IMPG1: variants seen among roughly 807,000 people sequenced by gnomAD.
The protein encoded by IMPG1 is interphotoreceptor matrix proteoglycan of 150 kDa.
A neutral mutation model predicts 92.0 loss-of-function variants in IMPG1; 85 were observed. That is an observed-to-expected ratio of 0.92 (90% confidence interval 0.78 to 1.11). The LOEUF (loss-of-function observed/expected upper bound fraction) is 1.11, where lower values mean the gene tolerates loss of function less well. IMPG1 is among the 50% of genes least tolerant of loss of function. IMPG1 has a pLI of 0.00. For synonymous variants in IMPG1, 367 were observed against 334.1 expected (o/e 1.10, Z -1.08); for missense variants, 1,022 against 956.0 (o/e 1.07, Z -0.91).
rs1286723621 is a variant in IMPG1 at position 75,924,741 on chromosome 6, T to A, written c.2244-1035A>T. On this transcript the variant is annotated intron_variant, in intron 15 of 16. Transcript: ENST00000369950. The stretch of plus-strand genomic sequence containing the variant: ...ATATAATATAATTATATATAATATA[T>A]AATATATAATATATCATATAATTAT... Among the ~76,000 whole-genome samples, 27 of 67,542 alleles carry A rather than the reference T, an allele frequency of 4.0e-4. 7 individuals carry two copies. Among genetic ancestry groups the A allele is most frequent in the African/African-American group, 1.5e-3 (24 of 15,932 alleles). 44.3% of individuals were successfully genotyped at this position (67,542 alleles called of 152,430 possible).
rs6925926 is a variant in IMPG1, at chr6:76,045,479, G to A, written c.68-3353C>T. ...TTTTTTTGGTATAACACAAATATTA[G>A]ATACCTTGACTACTCTGTTTCTGTG... On this transcript the variant is annotated intron_variant, in intron 1 of 16. Transcript: ENST00000369950. 5.2e-3 allele frequency among the ~76,000 whole-genome samples: 620 copies of A among 118,984 alleles called. 5 individuals carry two copies. The highest frequency in any genetic ancestry group is 0.019 in the African/African-American group (596 of 31,738). 78.1% of individuals were successfully genotyped at this position (118,984 alleles called of 152,430 possible).
At chr6:75,977,630 A>G (rs778211512) in intron 12 of IMPG1, among the ~76,000 whole-genome samples, 1 of 151,852 alleles carries the variant, frequency 6.6e-6, no homozygotes. Flanking sequence ...AAACAAGCAT[A>G]CATTTTATTT....
At chr6:75,947,824 T>A (rs1781953343) in intron 13 of IMPG1, among the ~76,000 whole-genome samples, 1 of 151,200 alleles carries the variant, frequency 6.6e-6, no homozygotes, top group African/African-American at 2.4e-5. Flanking sequence ...GAGCCAATGC[T>A]ATTAGCAAAG....
Position 76,070,365 on chromosome 6 carries a change from C to A in IMPG1, c.67+2057G>T, listed in dbSNP as rs548358719. ...ACAGTAAATGCTTATGCACTGTTGG[C>A]AGAAATGGAAATTAGTACGACCTCT... On this transcript the variant is annotated intron_variant, in intron 1 of 16. Coordinates refer to ENST00000369950, the MANE Select transcript of IMPG1 (RefSeq NM_001563.4). 2.0e-5 allele frequency among the ~76,000 whole-genome samples: 3 copies of A among 152,084 alleles called. No individual in the cohort carries two copies. The East Asian group carries it at 5.8e-4, about 29-fold the overall frequency.
chr6:75,999,108 C>T (rs1214987023), intron 12 of IMPG1, among the ~76,000 whole-genome samples: 3 of 152,114 alleles, frequency 2.0e-5, no homozygotes, highest in Admixed American at 6.5e-5. Flanking sequence ...CTGCCTGCCT[C>T]GGCCTCCCAA....
At chr6:76,010,508 A>C (rs903952035) in intron 8 of IMPG1, among the ~76,000 whole-genome samples, 1 of 152,242 alleles carries the variant, frequency 6.6e-6, no homozygotes, top group East Asian at 1.9e-4. Flanking sequence ...AGATGTGGGA[A>C]TATGGTTAAA....
rs895084051 is a variant in IMPG1, at chr6:76,018,838, A to T, written c.687T>A (p.Ala229=). Residue 229 remains alanine (A), a synonymous_variant, in exon 7 of 17, where the codon GCT becomes GCA. Coordinates refer to ENST00000369950, the MANE Select transcript of IMPG1 (RefSeq NM_001563.4). Reference sequence around the variant, plus strand: ...GCTCCACCCTCTGCTCCTCCAACACAGCGAATTCTGTTTCTCTTTCCTGAG... The same window carrying T: ...GCTCCACCCTCTGCTCCTCCAACACTGCGAATTCTGTTTCTCTTTCCTGAG... ...MPTTERETEF[A]VLEEQRVELS... is the part of the protein sequence containing the mutation. The T allele has an allele frequency of 2.5e-6, 4 of 1,597,146 alleles. No individual in the cohort carries two copies. The Admixed American group carries it at 7.1e-5, about 28-fold the overall frequency.
intron 2 of IMPG1, among the ~76,000 whole-genome samples, chr6:76,038,930 C>A (rs1259152529): frequency 6.6e-6 from 1 of 152,202 alleles, no homozygotes; most frequent in East Asian, 1.9e-4. Flanking sequence ...TATTGTTAGA[C>A]CAATGGTATG....
chr6:75,924,756 C>T (rs111280038), intron 15 of IMPG1, among the ~76,000 whole-genome samples: 1 of 29,512 alleles, frequency 3.4e-5, no homozygotes, highest in African/African-American at 1.3e-4. Flanking sequence ...TATAATATAT[C>T]ATATAATTAT....
At chr6:76,006,895 G>A (rs914462179) in intron 9 of IMPG1, among the ~76,000 whole-genome samples, 1 of 151,970 alleles carries the variant, frequency 6.6e-6, no homozygotes, top group African/African-American at 2.4e-5. Flanking sequence ...ATGTAGAAGT[G>A]TTTTAAAGGC....
Position 76,002,747 on chromosome 6 carries a change from T to A in IMPG1, c.1291+171A>T, listed in dbSNP as rs1283041954. Among the ~76,000 whole-genome samples the A allele has an allele frequency of 5.9e-5, 9 of 152,258 alleles. No individual in the cohort carries two copies. The South Asian group carries it at 1.9e-3, about 32-fold the overall frequency. Reference sequence around the variant, plus strand: ...AGGAAGGATGCTGTGGATGTCCTCCTCTGCAGAAAGGTTAGTTCAATGGAC... The same window carrying A: ...AGGAAGGATGCTGTGGATGTCCTCCACTGCAGAAAGGTTAGTTCAATGGAC... On this transcript the variant is annotated intron_variant, in intron 12 of 16. Transcript: ENST00000369950.
Position 76,041,968 on chromosome 6 carries a change from T to C in IMPG1, c.226A>G (p.Thr76Ala), listed in dbSNP as rs141201320. Residue 76 changes from threonine (T) to alanine (A), a missense_variant, in exon 2 of 17, where the codon ACG (threonine) becomes GCG (alanine). This residue lies in a region of IMPG1 where 681 missense variants were observed against 583.6 expected (regional missense o/e 1.17). Transcript: ENST00000369950. ...HRTKRSAFFP[T>A]GVKVCPQESM... ...TCCTGTGGACAGACTTTAACCCCCG[T>C]TGGGAAAAATGCGGATCTTTTTGTT... is the stretch of plus-strand genomic sequence containing the variant. The C allele has an allele frequency of 7.8e-5, 126 of 1,613,890 alleles. No homozygotes were observed. Among genetic ancestry groups the C allele is most frequent in the Non-Finnish European group, 9.4e-5 (111 of 1,179,916 alleles).
chr6:75,924,696 A>AT (rs1241036403), intron 15 of IMPG1, among the ~76,000 whole-genome samples: 5,829 of 7,830 alleles, frequency 0.74, 2,414 homozygotes, highest in Middle Eastern at 1. Context: ...ATATATAAAT[A>AT]ATTATATATA....
chr6:76,058,345 A>G (rs2127597299), intron 1 of IMPG1, among the ~76,000 whole-genome samples: 1 of 152,320 alleles, frequency 6.6e-6, no homozygotes, highest in African/African-American at 2.4e-5. Context: ...CTATTTTCTC[A>G]GTAAGTAGAA....
intron 7 of IMPG1, among the ~76,000 whole-genome samples, chr6:76,016,495 T>C (rs1202362433): frequency 6.6e-6 from 1 of 152,252 alleles, no homozygotes; most frequent in Non-Finnish European, 1.5e-5. Flanking sequence ...TTCTGGTTCA[T>C]AAATGCCCCA....
chr6:76,028,806 G>A (rs749561704), intron 4 of IMPG1, among the ~76,000 whole-genome samples: 25 of 152,084 alleles, frequency 1.6e-4, no homozygotes, highest in South Asian at 6.2e-4. Context: ...GTGACAGAGC[G>A]AGACTCCGTC....
intron 1 of IMPG1, among the ~76,000 whole-genome samples, chr6:76,054,638 A>G (rs1034347946): frequency 1.3e-5 from 2 of 152,124 alleles, no homozygotes; most frequent in Non-Finnish European, 2.9e-5. Flanking sequence ...GTAAATATTA[A>G]TAACCAGCTC....
chr6:76,069,068 A>C (rs540264397), intron 1 of IMPG1, among the ~76,000 whole-genome samples: 1 of 152,214 alleles, frequency 6.6e-6, no homozygotes, highest in East Asian at 1.9e-4. Flanking sequence ...TAGAGAACCC[A>C]CATACCTACA....
In IMPG1 at chr6:75,940,684, G is replaced by T. The variant is rs377645295; in HGVS notation, c.2044+6630C>A. On this transcript the variant is annotated intron_variant, in intron 14 of 16. Transcript: ENST00000369950. ...AAAGTGGAAGCAAATAGATTTGACG[G>T]GCATTTTTAGACAGCCTGGCTTTAA... Among the ~76,000 whole-genome samples the T allele has an allele frequency of 2.6e-5, 4 of 152,136 alleles. No individual in the cohort carries two copies. The East Asian group carries it at 5.8e-4, about 22-fold the overall frequency.
Sources: allele counts gnomAD v4.1 joint callset (sites outside exome capture counted in the v4.1 genomes callset), GRCh38; gene constraint gnomAD v4.1.1; regional missense constraint gnomAD v4.1.1; transcripts MANE v1.5; gene names NCBI Gene and HGNC (gene_info 2026-07-23, HGNC 2026-07-21).